Variants in HS3ST5 observed in about 807,000 individuals in gnomAD.
HS3ST5 encodes the protein heparan sulfate-glucosamine 3-sulfotransferase 5.
HS3ST5 carries 10 observed loss-of-function variants against 25.4 expected under a neutral mutation model. That is an observed-to-expected ratio of 0.39 (90% CI 0.24 to 0.67). The LOEUF (loss-of-function observed/expected upper bound fraction) is 0.67. HS3ST5 is among the 30% of genes least tolerant of loss of function. HS3ST5 has a pLI of 0.44. For synonymous variants in HS3ST5, 170 were observed against 162.4 expected (o/e 1.05, Z -0.36); for missense variants, 324 against 420.7 (o/e 0.77, Z 2.01).
At chr6:114,089,201 A>G (rs1316426245) in intron 3 of HS3ST5, among the ~76,000 whole-genome samples, 1 of 152,200 alleles carries the variant, frequency 6.6e-6, no homozygotes, top group Non-Finnish European at 1.5e-5. Context: ...TTGGGAAGCA[A>G]TGGGGAGCTA....
chr6:114,098,701 T>C (rs1775573285), intron 3 of HS3ST5, among the ~76,000 whole-genome samples: 1 of 151,902 alleles, frequency 6.6e-6, no homozygotes. Flanking sequence ...TTTATTGTTA[T>C]TCTGGATAAT....
At chr6:114,130,920 A>C (rs1383225891) in intron 3 of HS3ST5, among the ~76,000 whole-genome samples, 1 of 152,092 alleles carries the variant, frequency 6.6e-6, no homozygotes, top group African/African-American at 2.4e-5. Flanking sequence ...GCACCCTTGT[A>C]GTCCTAGCTA....
Position 114,341,171 on chromosome 6 carries a change from G to GGACGGA in HS3ST5, c.-339+1023_-339+1024insTCCGTC, listed in dbSNP as rs1554229591. On this transcript the variant is annotated intron_variant, in intron 1 of 4. Coordinates refer to ENST00000312719, the MANE Select transcript of HS3ST5 (RefSeq NM_153612.4). ...GGAGAGGGGGAGAGAGGGGAGGGAGGGAGGGAGAGGGAGAGGGAGAGGGAG... is the reference window on the plus strand; with the variant it reads ...GGAGAGGGGGAGAGAGGGGAGGGAGGGACGGAGAGGGAGAGGGAGAGGGAGAGGGAG... 3.0e-4 allele frequency among the ~76,000 whole-genome samples: 25 copies of GGACGGA among 82,632 alleles called. No individual in the cohort carries two copies. The Admixed American group carries it at 3.2e-3, about 11-fold the overall frequency. The allele number at this position is 82,632 out of a possible 152,430, so 54.2% of individuals were successfully genotyped here.
chr6:114,309,141 G>A (rs1294139552), intron 1 of HS3ST5, among the ~76,000 whole-genome samples: 1 of 152,176 alleles, frequency 6.6e-6, no homozygotes, highest in Non-Finnish European at 1.5e-5. Context: ...TAACCTAGGG[G>A]ATGCTGTTGA....
intron 3 of HS3ST5, among the ~76,000 whole-genome samples, chr6:114,165,948 A>T (rs571497299): frequency 1.3e-5 from 2 of 152,150 alleles, no homozygotes; most frequent in Non-Finnish European, 2.9e-5. Flanking sequence ...TGGGAGGCTG[A>T]CGCGGGAGGA....
chr6:114,279,351 G>A (rs1377460019), intron 1 of HS3ST5, among the ~76,000 whole-genome samples: 3 of 152,036 alleles, frequency 2.0e-5, no homozygotes, highest in Admixed American at 6.6e-5. Context: ...ATAAGGAGCA[G>A]TAAATTGCAC....
At chr6:114,098,167 A>C (rs1775542229) in intron 3 of HS3ST5, among the ~76,000 whole-genome samples, 1 of 151,966 alleles carries the variant, frequency 6.6e-6, no homozygotes, top group African/African-American at 2.4e-5. Flanking sequence ...TGGTAAGATA[A>C]AGTTATTATG....
intron 3 of HS3ST5, among the ~76,000 whole-genome samples, chr6:114,079,087 T>C (rs1774309533): frequency 6.6e-6 from 1 of 152,216 alleles, no homozygotes; most frequent in Admixed American, 6.5e-5. Flanking sequence ...AATCTTTTTG[T>C]TGATGGAGGG....
At chr6:114,164,984 C>T (rs1779138167) in intron 3 of HS3ST5, among the ~76,000 whole-genome samples, 1 of 152,146 alleles carries the variant, frequency 6.6e-6, no homozygotes, top group South Asian at 2.1e-4. Context: ...CCATTAATTC[C>T]TCTGAAAAAC....
chr6:114,322,115 T>C (rs541436888), intron 1 of HS3ST5, among the ~76,000 whole-genome samples: 167 of 152,276 alleles, frequency 1.1e-3, no homozygotes, highest in Non-Finnish European at 1.9e-3. Flanking sequence ...AGTAATAGAA[T>C]TTTTAGCCTT....
chr6:114,193,380 G>A (rs899201366), intron 2 of HS3ST5, among the ~76,000 whole-genome samples: 2 of 152,194 alleles, frequency 1.3e-5, no homozygotes, highest in Non-Finnish European at 2.9e-5. Flanking sequence ...GCCAAAAGAT[G>A]GACCTGGTGA....
chr6:114,125,467 G>A (rs905096787), intron 3 of HS3ST5, among the ~76,000 whole-genome samples: 4 of 152,160 alleles, frequency 2.6e-5, no homozygotes, highest in African/African-American at 9.7e-5. Context: ...TAGTAAACTA[G>A]TTTTCTAAAT....
chr6:114,110,087 A>G (rs1234013952), intron 3 of HS3ST5, among the ~76,000 whole-genome samples: 1 of 152,208 alleles, frequency 6.6e-6, no homozygotes, highest in Non-Finnish European at 1.5e-5. Flanking sequence ...GATGCCATTT[A>G]CATATACACA....
At chr6:114,182,133 G>A (rs1399097278) in intron 2 of HS3ST5, among the ~76,000 whole-genome samples, 1 of 151,814 alleles carries the variant, frequency 6.6e-6, no homozygotes, top group African/African-American at 2.4e-5. Context: ...AGGAATTCTT[G>A]GAAATATTGT....
Position 114,255,406 on chromosome 6 carries a change from C to T in HS3ST5, c.-338-26628G>A, listed in dbSNP as rs762310050. Among the ~76,000 whole-genome samples, 11 of 152,262 alleles carry T rather than the reference C, an allele frequency of 7.2e-5. No homozygotes were observed. In the South Asian group the frequency reaches 8.3e-4, roughly 12 times the overall value. On this transcript the variant is annotated intron_variant, in intron 1 of 4. Coordinates refer to ENST00000312719, the MANE Select transcript of HS3ST5 (RefSeq NM_153612.4). ...TTCCACAGACACCGCTGAGTGTCTGCGGCTTTTCCAGGTGCACGGTCAGCT... is the reference window on the plus strand; with the variant it reads ...TTCCACAGACACCGCTGAGTGTCTGTGGCTTTTCCAGGTGCACGGTCAGCT...
At chr6:114,206,209 G>A (rs1254877172) in intron 2 of HS3ST5, among the ~76,000 whole-genome samples, 1 of 152,122 alleles carries the variant, frequency 6.6e-6, no homozygotes. Context: ...TACACAAATT[G>A]TTATGGTATT....
intron 1 of HS3ST5, among the ~76,000 whole-genome samples, chr6:114,287,354 T>C (rs138155503): frequency 3.9e-5 from 6 of 152,090 alleles, no homozygotes; most frequent in African/African-American, 1.4e-4. Context: ...AGTAGCTTGC[T>C]TAGGGTCAAG....
At chr6:114,155,008 C>T (rs1427794194) in intron 3 of HS3ST5, among the ~76,000 whole-genome samples, 1 of 152,170 alleles carries the variant, frequency 6.6e-6, no homozygotes, top group Non-Finnish European at 1.5e-5. Flanking sequence ...GGAATGTCCG[C>T]TCTGGGAGGG....
chr6:114,186,296 A>G (rs1375874739), intron 2 of HS3ST5, among the ~76,000 whole-genome samples: 2 of 152,130 alleles, frequency 1.3e-5, no homozygotes, highest in Non-Finnish European at 2.9e-5. Context: ...ACAATTAGCC[A>G]AGTTGTGCAA....
Sources: allele counts gnomAD v4.1 joint callset (sites outside exome capture counted in the v4.1 genomes callset), GRCh38; gene constraint gnomAD v4.1.1; transcripts MANE v1.5; gene names NCBI Gene and HGNC (gene_info 2026-07-23, HGNC 2026-07-21).